The following ERVW-1 variants were observed in gnomAD, a reference collection of about 807,000 sequenced individuals.
ERVW-1 encodes syncytin-1.
In ERVW-1, 21 loss-of-function variants were observed where a neutral mutation model predicts 16.6. The ratio of observed to expected loss-of-function variants is 1.26; its 90% CI spans 0.90 to 1.82. The LOEUF (loss-of-function observed/expected upper bound fraction) is 1.82, where lower values mean the gene tolerates loss of function less well. Among genes scored for constraint, ERVW-1 ranks in the 40% most tolerant of loss-of-function variants. ERVW-1 has a pLI of 0.00. For missense variants in ERVW-1, 412 were observed against 300.2 expected, an observed-to-expected ratio of 1.37 and a Z score of -2.75; for synonymous variants, 161 against 109.8, an observed-to-expected ratio of 1.47 and a Z score of -2.92.
intron 1 of ERVW-1, among the ~76,000 whole-genome samples, chr7:92,476,612 C>CT (rs1020206221): frequency 2.0e-5 from 3 of 152,064 alleles, no homozygotes; most frequent in Non-Finnish European, 4.4e-5. Flanking sequence ...TCTCTCTCCT[C>CT]TTTGTCTCTC....
rs1279910625 is a variant in ERVW-1 at position 92,468,434 on chromosome 7, A to T, written c.*331T>A. On this transcript the variant is annotated 3_prime_UTR_variant, in exon 2 of 2. Transcript: ENST00000603053. The stretch of plus-strand genomic sequence containing the variant: ...AGCATGAAAACAGAGCTCCCATACA[A>T]AGGGAGGGGACCCAAAGGGGGTTGC... The T allele has an allele frequency of 5.0e-6, 1 of 198,964 alleles. No individual in the cohort carries two copies. The highest frequency in any genetic ancestry group is 1.0e-5 in the Non-Finnish European group (1 of 98,536). 12.3% of individuals were successfully genotyped at this position (198,964 alleles called of 1,614,324 possible).
intron 1 of ERVW-1, chr7:92,475,089 A>G (rs1790484975): frequency 1.3e-5 from 2 of 152,192 alleles, no homozygotes; most frequent in African/African-American, 4.8e-5. Flanking sequence ...CTTAATGAAA[A>G]GAAAGTTTGT....
chr7:92,472,624 G>A (rs1022619520), intron 1 of ERVW-1: 2 of 152,234 alleles, frequency 1.3e-5, no homozygotes, highest in African/African-American at 4.8e-5. Flanking sequence ...TTGGCTTTCT[G>A]AGTTTCCTTA....
At position 92,469,472 on chromosome 7, in the gene ERVW-1, C is replaced by G; in HGVS notation, c.910G>C (p.Asp304His). ...VPPMTIYTEQ[D>H]LYSYVISKPR... ...TTAGATATGACATAACTGTATAAAT[C>G]TTGTTCAGTGTAGATGGTCATAGGG... is the stretch of plus-strand genomic sequence containing the variant. The change falls in exon 2 of 2, where the codon GAT (aspartate) becomes CAT (histidine). Residue 304 changes from aspartate to histidine, a missense_variant. Physicochemically the swap from Asp to His is moderately conservative, Grantham distance 81. Coordinates refer to ENST00000603053, the MANE Select transcript of ERVW-1 (RefSeq NM_001130925.2). 2 of 767,800 alleles carry G rather than the reference C, an allele frequency of 2.6e-6. No individual in the cohort carries two copies. The highest frequency in any genetic ancestry group is 2.4e-6 in the Non-Finnish European group (1 of 414,060). 47.6% of individuals were successfully genotyped at this position (767,800 alleles called of 1,614,324 possible).
At chr7:92,470,694 G>A in intron 1 of ERVW-1, 86 bp from the exon 2 acceptor site, 1 of 238,194 alleles carries the variant, frequency 4.2e-6, no homozygotes, top group Non-Finnish European at 8.7e-6. Flanking sequence ...CTCAGGGATA[G>A]GTTCCTTGTA....
At chr7:92,475,835 T>C (rs1341222179) in intron 1 of ERVW-1, among the ~76,000 whole-genome samples, 1 of 152,220 alleles carries the variant, frequency 6.6e-6, no homozygotes, top group Non-Finnish European at 1.5e-5. Context: ...AAACAAGTTC[T>C]TATGCAAATG....
intron 1 of ERVW-1, chr7:92,475,372 GTCC>G (rs1452887890): frequency 6.6e-6 from 1 of 152,188 alleles, no homozygotes; most frequent in Non-Finnish European, 1.5e-5. Flanking sequence ...GTCCTGGAGT[GTCC>G]TCTATGGTCC....
rs1258945013 is a variant in ERVW-1 at position 92,469,444 on chromosome 7, G to C, written c.938C>G (p.Pro313Arg). Residue 313 changes from proline (P) to arginine (R), a missense_variant, in exon 2 of 2, where the codon CCC (proline) becomes CGC (arginine). By Grantham distance (103) the Pro-to-Arg change is moderately radical. Transcript: ENST00000603053. ...QDLYSYVISK[P>R]RNKRVPILPF... is the part of the protein sequence containing the mutation. ...AAGAATGGGTACTCTTTTGTTGCGG[G>C]GCTTAGATATGACATAACTGTATAA... 3.9e-6 allele frequency: 3 copies of C among 770,290 alleles called. No individual in the cohort carries two copies. The highest frequency in any genetic ancestry group is 3.4e-5 in the Admixed American group (2 of 58,484). 47.7% of individuals were successfully genotyped at this position (770,290 alleles called of 1,614,324 possible).
chr7:92,470,205 G>T lies in ERVW-1; in HGVS notation c.177C>A (p.Thr59=), dbSNP rs1296555797. The T allele has an allele frequency of 9.0e-6, 7 of 776,910 alleles. No homozygotes were observed. The East Asian group carries it at 1.7e-4, about 19-fold the overall frequency. 48.1% of individuals were successfully genotyped at this position (776,910 alleles called of 1,614,324 possible). The change falls in exon 2 of 2, where the codon ACC becomes ACA. Residue 59 remains threonine, a synonymous_variant. Transcript: ENST00000603053. ...TATGGGTGTGGGCAGTGAAGGTGGGGGTTCCCTTAGAAAGACTCCTATACG... is the reference window on the plus strand; with the variant it reads ...TATGGGTGTGGGCAGTGAAGGTGGGTGTTCCCTTAGAAAGACTCCTATACG... ...APSYRSLSKG[T]PTFTAHTHMP...
At position 92,468,768 on chromosome 7, in the gene ERVW-1, A is replaced by C. The variant is rs1259948639; in HGVS notation, c.1614T>G (p.Ser538Arg). The change falls in exon 2 of 2, where the codon AGT (serine) becomes AGG (arginine). Residue 538 changes from serine to arginine, a missense_variant. Physicochemically the swap from Ser to Arg is moderately radical, Grantham distance 110 (BLOSUM62 -1). Transcript: ENST00000603053. ...PLLRPNSAGS[S>R] is the part of the protein sequence containing the mutation. Reference sequence around the variant, plus strand: ...GGGAGGTTGGCCGACGACCGCTCTAACTGCTTCCTGCTGAATTGGGGCGTA... The same window carrying C: ...GGGAGGTTGGCCGACGACCGCTCTACCTGCTTCCTGCTGAATTGGGGCGTA... 2.7e-6 allele frequency: 2 copies of C among 731,910 alleles called. No homozygotes were observed. The highest frequency in any genetic ancestry group is 5.0e-6 in the Non-Finnish European group (2 of 402,042). The allele number at this position is 731,910 out of a possible 1,614,324, so 45.3% of individuals were successfully genotyped here. A position where few individuals can be genotyped will look rare whatever the true frequency, so the allele number is the denominator to read the frequency against.
intron 1 of ERVW-1, chr7:92,475,032 T>G (rs201674813): frequency 6.6e-6 from 1 of 152,140 alleles, no homozygotes; most frequent in East Asian, 1.9e-4. Flanking sequence ...CTCTGAAGGC[T>G]TCCTGTAGGG....
intron 1 of ERVW-1, chr7:92,471,425 G>C (rs1359818543): frequency 6.6e-6 from 1 of 152,326 alleles, no homozygotes; most frequent in East Asian, 1.9e-4. Flanking sequence ...TAAGTGAAAG[G>C]TTTGATGAAG....
At chr7:92,473,885 G>A (rs1446660496) in intron 1 of ERVW-1, among the ~76,000 whole-genome samples, 1 of 152,136 alleles carries the variant, frequency 6.6e-6, no homozygotes, top group Non-Finnish European at 1.5e-5. Flanking sequence ...GGCACCCTCA[G>A]TCCTGCTGCT....
chr7:92,476,417 A>G (rs1443110317), intron 1 of ERVW-1, among the ~76,000 whole-genome samples: 3 of 152,210 alleles, frequency 2.0e-5, no homozygotes, highest in Admixed American at 6.5e-5. Context: ...CGGGTTGTCA[A>G]TGGCCTCAGT....
At position 92,469,277 on chromosome 7, in the gene ERVW-1, G is replaced by A. The variant is rs1285573432; in HGVS notation, c.1105C>T (p.Gln369Ter). ...ERVADSLVTL[Q>*]DQLNSLAAVV... ...GCTGCTAGGGAGTTAAGTTGATCTTGCAAGGTGACCAGGGAGTCGGCGACC... is the reference window on the plus strand; with the variant it reads ...GCTGCTAGGGAGTTAAGTTGATCTTACAAGGTGACCAGGGAGTCGGCGACC... The change falls in exon 2 of 2, where the codon CAA becomes TAA. Residue 369 changes from glutamine to a stop codon, truncating the protein, a stop_gained. Coordinates refer to ENST00000603053, the MANE Select transcript of ERVW-1 (RefSeq NM_001130925.2). LOFTEE classifies it high-confidence loss of function. The A allele has an allele frequency of 1.3e-6, 1 of 764,374 alleles. No homozygotes were observed. Among genetic ancestry groups the A allele is most frequent in the Admixed American group, 1.7e-5 (1 of 59,038 alleles). The allele number at this position is 764,374 out of a possible 1,614,324, so 47.3% of individuals were successfully genotyped here. A position where few individuals can be genotyped will look rare whatever the true frequency, so the allele number is the denominator to read the frequency against.
rs200254976 is a variant in ERVW-1, at chr7:92,469,554, G to A, written c.828C>T (p.Ala276=). Residue 276 remains alanine, a synonymous_variant, in exon 2 of 2, where the codon GCC becomes GCT. Transcript: ENST00000603053. Reference sequence around the variant, plus strand: ...CTGAAGAGCCATTCAAACAACGATAGGCTGAGGTACCACAGACAAAAAATA... The same window carrying A: ...CTGAAGAGCCATTCAAACAACGATAAGCTGAGGTACCACAGACAAAAAATA... ...SGIFFVCGTS[A]YRCLNGSSES... 2 of 664,348 alleles carry A rather than the reference G, an allele frequency of 3.0e-6. No individual in the cohort carries two copies. Among genetic ancestry groups the A allele is most frequent in the Non-Finnish European group, 2.7e-6 (1 of 369,774 alleles). 41.2% of individuals were successfully genotyped at this position (664,348 alleles called of 1,614,324 possible).
intron 1 of ERVW-1, chr7:92,470,954 G>A (rs920520643): frequency 3.6e-5 from 6 of 167,184 alleles, no homozygotes; most frequent in South Asian, 2.1e-4. Flanking sequence ...TCATTTTCTC[G>A]ACCTTCCCTG....
intron 1 of ERVW-1, among the ~76,000 whole-genome samples, chr7:92,476,648 T>C (rs942221198): frequency 1.3e-5 from 2 of 152,052 alleles, no homozygotes; most frequent in Non-Finnish European, 2.9e-5. Context: ...TCTCACTGTC[T>C]CTCTCTCCTC....
chr7:92,473,261 C>A (rs937218568), intron 1 of ERVW-1: 1 of 152,144 alleles, frequency 6.6e-6, no homozygotes, highest in Non-Finnish European at 1.5e-5. Flanking sequence ...TGAGATCTTG[C>A]ACTAACCTCC....
Sources: gnomAD v4.1 joint callset for allele counts (sites outside exome capture counted in the v4.1 genomes callset) on GRCh38, gnomAD v4.1.1 for gene constraint, MANE v1.5 for transcripts, NCBI Gene and HGNC (gene_info 2026-07-23, HGNC 2026-07-21) for gene names.